The following ERC2 variants were observed in gnomAD, a reference collection of about 807,000 sequenced individuals.
ERC2 encodes ELKS/RAB6-interacting/CAST family member 2.
A neutral mutation model predicts 114.8 loss-of-function variants in ERC2; 42 were observed. That is an observed-to-expected ratio of 0.37 (90% CI 0.29 to 0.47). The LOEUF is 0.47. Among genes scored for constraint, ERC2 ranks in the 20% least tolerant of loss-of-function variants. The pLI, the probability that ERC2 is intolerant of heterozygous loss-of-function variation, is 0.99. For missense variants in ERC2, 939 were observed against 1,150.7 expected (o/e 0.82, Z 2.66); for synonymous variants, 454 against 425.5 (o/e 1.07, Z -0.82).
intron 14 of ERC2, among the ~76,000 whole-genome samples, chr3:55,834,887 A>T (rs548516415): frequency 1.4e-5 from 2 of 146,074 alleles, no homozygotes; most frequent in African/African-American, 5.3e-5. Context: ...AGAAGAATCA[A>T]ATAGACGCAA....
At chr3:56,460,964 CAAAA>C (rs35313545) in intron 1 of ERC2, among the ~76,000 whole-genome samples, 3 of 98,190 alleles carry the variant, frequency 3.1e-5, no homozygotes, top group Non-Finnish European at 5.6e-5. Flanking sequence ...ACTAAAAATA[CAAAA>C]AAAAAAAAAA....
chr3:56,348,290 A>C (rs1311046504), intron 2 of ERC2, among the ~76,000 whole-genome samples: 1 of 152,074 alleles, frequency 6.6e-6, no homozygotes, highest in Non-Finnish European at 1.5e-5. Context: ...AATGTCCACC[A>C]GGAAAAAAAC....
At chr3:56,445,300 A>T (rs1484951373) in intron 1 of ERC2, among the ~76,000 whole-genome samples, 1 of 152,158 alleles carries the variant, frequency 6.6e-6, no homozygotes, top group East Asian at 1.9e-4. Context: ...CTCTACTCAC[A>T]TATAAGGTCT....
Position 56,010,456 on chromosome 3 carries a change from T to C in ERC2, c.1913A>G (p.Glu638Gly), listed in dbSNP as rs1304414208. 1 of 1,612,950 alleles carries C rather than the reference T, an allele frequency of 6.2e-7. No homozygotes were observed. The highest frequency in any genetic ancestry group is 1.7e-4 in the Middle Eastern group (1 of 6,050). Reference sequence around the variant, plus strand: ...TTGTTTTTCCAGACTCACCTCTTTCTCAGTCAGTTCAGCCTGTAAAGCATT... The same window carrying C: ...TTGTTTTTCCAGACTCACCTCTTTCCCAGTCAGTTCAGCCTGTAAAGCATT... ...KVNALQAELT[E>G]KESSLIDLKE... The change falls in exon 9 of 18, where the codon GAG becomes GGG. Residue 638 changes from glutamate (E) to glycine (G), a missense_variant. Glu to Gly is a moderately conservative substitution (Grantham distance 98). Coordinates refer to ENST00000288221, the MANE Select transcript of ERC2 (RefSeq NM_015576.3).
rs78752805 is a variant in ERC2 at position 56,128,774 on chromosome 3, C to G, written c.1473+10735G>C. Among the ~76,000 whole-genome samples, 1,436 of 152,214 alleles carry G rather than the reference C, an allele frequency of 9.4e-3. 35 individuals carry two copies. Among genetic ancestry groups the G allele is most frequent in the African/African-American group, 0.033 (1,357 of 41,540 alleles). On this transcript the variant is annotated intron_variant, in intron 6 of 17. Transcript: ENST00000288221. ...GTCATCGCTGTGGAGAGAGCTGACC[C>G]TTCTGGCCCTGGCATTGCTGGGGCT... is the stretch of plus-strand genomic sequence containing the variant.
At chr3:55,938,371 C>T (rs145025802) in intron 13 of ERC2, among the ~76,000 whole-genome samples, 4 of 152,350 alleles carry the variant, frequency 2.6e-5, no homozygotes, top group Admixed American at 2.0e-4. Flanking sequence ...ATTCTAACTA[C>T]TACCCTGGTC....
intron 2 of ERC2, among the ~76,000 whole-genome samples, chr3:56,360,095 C>T (rs1406048183): frequency 8.5e-5 from 10 of 117,422 alleles, no homozygotes; most frequent in Admixed American, 1.1e-4. Context: ...GACGGAGTCT[C>T]GTTCTGTCAC....
intron 7 of ERC2, among the ~76,000 whole-genome samples, chr3:56,079,721 G>A (rs778980140): frequency 6.6e-6 from 1 of 152,140 alleles, no homozygotes; most frequent in Non-Finnish European, 1.5e-5. Flanking sequence ...TTTACATTAT[G>A]CAATGGACCC....
intron 13 of ERC2, among the ~76,000 whole-genome samples, chr3:55,941,583 C>A (rs2066799342): frequency 6.6e-6 from 1 of 152,174 alleles, no homozygotes; most frequent in Admixed American, 6.5e-5. Flanking sequence ...ATGTTCATCT[C>A]AGAGTCTCAA....
intron 17 of ERC2, among the ~76,000 whole-genome samples, chr3:55,628,846 T>A (rs554006728): frequency 6.6e-6 from 1 of 152,244 alleles, no homozygotes; most frequent in Non-Finnish European, 1.5e-5. Context: ...AGTTGTAGAT[T>A]TGAATTCTCA....
intron 3 of ERC2, among the ~76,000 whole-genome samples, chr3:56,194,921 T>C (rs1560348045): frequency 6.6e-6 from 1 of 152,128 alleles, no homozygotes; most frequent in Non-Finnish European, 1.5e-5. Flanking sequence ...GTGTGTACAA[T>C]AGTCCTCACT....
intron 2 of ERC2, among the ~76,000 whole-genome samples, chr3:56,300,859 G>A (rs1470837284): frequency 6.6e-6 from 1 of 152,198 alleles, no homozygotes; most frequent in African/African-American, 2.4e-5. Flanking sequence ...TGGGACAAAT[G>A]CTTCAAGATG....
At chr3:56,101,359 CAA>C (rs1472792233) in intron 6 of ERC2, among the ~76,000 whole-genome samples, 1 of 136,218 alleles carries the variant, frequency 7.3e-6, no homozygotes, top group Non-Finnish European at 1.6e-5. Context: ...TGTTTTCCTT[CAA>C]AGAGGAAACA....
At chr3:55,955,263 T>C in intron 12 of ERC2, 1 of 357,966 alleles carries the variant, frequency 2.8e-6, no homozygotes, top group Non-Finnish European at 5.9e-6. Flanking sequence ...TGTGTGTGTG[T>C]GTGTGTGTGT....
At position 55,733,564 on chromosome 3, in the gene ERC2, A is replaced by T. The variant is rs936764644; in HGVS notation, c.2712+1207T>A. ...CTCTCACACACACACACACACACAC[A>T]CACACACACACACACACACACATTC... On this transcript the variant is annotated intron_variant, in intron 15 of 17. Transcript: ENST00000288221. Among the ~76,000 whole-genome samples, 92 of 144,038 alleles carry T rather than the reference A, an allele frequency of 6.4e-4. 1 individual carries two copies. Among genetic ancestry groups the T allele is most frequent in the African/African-American group, 2.4e-3 (87 of 36,100 alleles). The allele number at this position is 144,038 out of a possible 152,430, so 94.5% of individuals were successfully genotyped here.
At chr3:56,162,880 G>GTT (rs745634487) in intron 4 of ERC2, among the ~76,000 whole-genome samples, 2 of 151,640 alleles carry the variant, frequency 1.3e-5, no homozygotes, top group African/African-American at 4.8e-5. Flanking sequence ...GTTCTGCTCT[G>GTT]TTTTTTTTAT....
chr3:55,686,726 G>C (rs1266688733), intron 16 of ERC2, among the ~76,000 whole-genome samples: 1 of 152,206 alleles, frequency 6.6e-6, no homozygotes, highest in Non-Finnish European at 1.5e-5. Context: ...AGGCCTGGGA[G>C]AGTCTGTTTC....
intron 7 of ERC2, among the ~76,000 whole-genome samples, chr3:56,078,891 C>T (rs1050371875): frequency 2.7e-4 from 40 of 149,492 alleles, no homozygotes; most frequent in Non-Finnish European, 3.0e-4. Flanking sequence ...TACATATACA[C>T]ACAAAAACAC....
chr3:55,854,237 T>A (rs1469723824), intron 14 of ERC2, among the ~76,000 whole-genome samples: 1 of 152,192 alleles, frequency 6.6e-6, no homozygotes, highest in Non-Finnish European at 1.5e-5. Context: ...ATTGCGCCAC[T>A]GCACTCCAGC....
Sources: gnomAD v4.1 joint callset for allele counts (sites outside exome capture counted in the v4.1 genomes callset) on GRCh38, gnomAD v4.1.1 for gene constraint, MANE v1.5 for transcripts, NCBI Gene and HGNC (gene_info 2026-07-23, HGNC 2026-07-21) for gene names.